The following CDH7 variants were observed in gnomAD, a reference collection of about 807,000 sequenced individuals.
CDH7 encodes the protein cadherin 7, also known as cadherin-7.
A neutral mutation model predicts 71.8 loss-of-function variants in CDH7; 25 were observed. The ratio of observed to expected loss-of-function variants is 0.35; its 90% CI spans 0.25 to 0.49. CDH7 has a LOEUF of 0.49. CDH7 is among the 20% of genes least tolerant of loss of function. CDH7 has a pLI of 0.99. For synonymous variants in CDH7, 381 were observed against 363.8 expected (o/e 1.05, Z -0.54); for missense variants, 862 against 974.6 (o/e 0.88, Z 1.54).
intron 2 of CDH7, among the ~76,000 whole-genome samples, chr18:65,796,189 A>G (rs375427096): frequency 2.6e-5 from 4 of 152,126 alleles, no homozygotes; most frequent in African/African-American, 7.2e-5. Flanking sequence ...AATTATCTTA[A>G]TCAAATTGCA....
At chr18:65,871,637 T>G (rs1315857718) in intron 11 of CDH7, among the ~76,000 whole-genome samples, 1 of 152,122 alleles carries the variant, frequency 6.6e-6, no homozygotes, top group Non-Finnish European at 1.5e-5. Flanking sequence ...ATTTTCCTAC[T>G]TGAGAAAAGA....
chr18:65,770,073 T>C (rs28427501), intron 2 of CDH7, among the ~76,000 whole-genome samples: 11,857 of 152,258 alleles, frequency 0.078, 1,453 homozygotes, highest in African/African-American at 0.26. Context: ...TACAATCTGT[T>C]GTCCATGTTT....
intron 6 of CDH7, among the ~76,000 whole-genome samples, chr18:65,841,193 C>A (rs1912719596): frequency 6.6e-6 from 1 of 152,124 alleles, no homozygotes; most frequent in Admixed American, 6.6e-5. Context: ...GGCAACCAAT[C>A]ATCATGCATA....
chr18:65,762,771 G>C lies in CDH7; in HGVS notation c.-72G>C, dbSNP rs2143787871. ...CCCTGCCGGAGGCAAGAGCTACTAA[G>C]CCAACTGGAACTGTGCCTTTTCTCT... On this transcript the variant is annotated 5_prime_UTR_variant, in exon 2 of 12. Coordinates refer to ENST00000397968, the MANE Select transcript of CDH7 (RefSeq NM_004361.5). The C allele has an allele frequency of 2.3e-6, 3 of 1,331,814 alleles. No individual in the cohort carries two copies. Among genetic ancestry groups the C allele is most frequent in the Non-Finnish European group, 3.1e-6 (3 of 968,224 alleles). 82.5% of individuals were successfully genotyped at this position (1,331,814 alleles called of 1,614,324 possible).
intron 6 of CDH7, among the ~76,000 whole-genome samples, chr18:65,836,499 A>G (rs1261745262): frequency 6.6e-6 from 1 of 152,054 alleles, no homozygotes; most frequent in Non-Finnish European, 1.5e-5. Flanking sequence ...TCATTATTGT[A>G]TTCCTGATCA....
In CDH7 at chr18:65,781,856, TTCTTTCTTTC is replaced by T. The variant is rs1438801010; in HGVS notation, c.210+18808_210+18817del. Among the ~76,000 whole-genome samples the T allele has an allele frequency of 3.3e-3, 258 of 79,106 alleles. 8 individuals are homozygous for T. The Middle Eastern group carries it at 0.035, about 11-fold the overall frequency. The allele number at this position is 79,106 out of a possible 152,430, so 51.9% of individuals were successfully genotyped here. On this transcript the variant is annotated intron_variant, in intron 2 of 11. Transcript: ENST00000397968. The stretch of plus-strand genomic sequence containing the variant: ...TTTCTTTCTTTCTTTCTTTCTTTCT[TTCTTTCTTTC>T]TCTCTCTCTCTCTGTCTCTCTCTCT...
chr18:65,827,046 G>C (rs1912157821), intron 6 of CDH7, among the ~76,000 whole-genome samples: 2 of 151,512 alleles, frequency 1.3e-5, no homozygotes, highest in Admixed American at 1.3e-4. Context: ...TCTGAATGAT[G>C]CTTTGAATCT....
chr18:65,797,809 A>C (rs6566176), intron 2 of CDH7, among the ~76,000 whole-genome samples: 65,463 of 151,994 alleles, frequency 0.43, 17,060 homozygotes, highest in African/African-American at 0.74. Flanking sequence ...TAGTTAATAA[A>C]CCTATTTCTC....
chr18:65,764,430 A>C (rs1327142822), intron 2 of CDH7, among the ~76,000 whole-genome samples: 2 of 151,936 alleles, frequency 1.3e-5, no homozygotes, highest in Non-Finnish European at 2.9e-5. Context: ...GTACTAATAT[A>C]TTTTTATAGC....
At chr18:65,785,237 A>T (rs1910469566) in intron 2 of CDH7, among the ~76,000 whole-genome samples, 1 of 124,770 alleles carries the variant, frequency 8.0e-6, no homozygotes, top group African/African-American at 5.1e-5. Flanking sequence ...AATATATGTC[A>T]TATATATATA....
intron 7 of CDH7, among the ~76,000 whole-genome samples, chr18:65,848,401 A>C (rs1913010783): frequency 6.6e-6 from 1 of 152,196 alleles, no homozygotes; most frequent in Non-Finnish European, 1.5e-5. Context: ...AGAGCTCATA[A>C]AAGTTAAACA....
chr18:65,770,236 A>G (rs1001608264), intron 2 of CDH7, among the ~76,000 whole-genome samples: 7 of 152,190 alleles, frequency 4.6e-5, no homozygotes, highest in African/African-American at 1.4e-4. Context: ...GAACCATGCA[A>G]TAGTATTCTT....
At chr18:65,808,760 TTTA>T (rs1335917809) in intron 2 of CDH7, among the ~76,000 whole-genome samples, 7 of 152,178 alleles carry the variant, frequency 4.6e-5, no homozygotes, top group African/African-American at 1.7e-4. Flanking sequence ...AGTGAAAAGC[TTTA>T]TTATTTGGTA....
chr18:65,806,652 C>T (rs1276272437), intron 2 of CDH7, among the ~76,000 whole-genome samples: 1 of 146,840 alleles, frequency 6.8e-6, no homozygotes, highest in African/African-American at 2.5e-5. Flanking sequence ...TCAAAGGTGT[C>T]CATGCATGTG....
intron 2 of CDH7, among the ~76,000 whole-genome samples, chr18:65,765,631 C>T (rs1048511664): frequency 6.6e-6 from 1 of 151,940 alleles, no homozygotes; most frequent in Non-Finnish European, 1.5e-5. Context: ...TGTATTCAAC[C>T]TAGGCCACTT....
At chr18:65,812,714 C>G (rs1373590698) in intron 3 of CDH7, among the ~76,000 whole-genome samples, 1 of 151,898 alleles carries the variant, frequency 6.6e-6, no homozygotes, top group Non-Finnish European at 1.5e-5. Context: ...GTGTGTGTGT[C>G]TATATGTGTT....
At position 65,762,717 on chromosome 18, in the gene CDH7, G is replaced by T. The variant is rs1820270158; in HGVS notation, c.-126G>T. The T allele has an allele frequency of 1.4e-6, 1 of 707,480 alleles. No individual in the cohort carries two copies. The highest frequency in any genetic ancestry group is 2.7e-5 in the Admixed American group (1 of 36,798). The allele number at this position is 707,480 out of a possible 1,614,324, so 43.8% of individuals were successfully genotyped here. A position where few individuals can be genotyped will look rare whatever the true frequency, so the allele number is the denominator to read the frequency against. On this transcript the variant is annotated 5_prime_UTR_variant, in exon 2 of 12. Coordinates refer to ENST00000397968, the MANE Select transcript of CDH7 (RefSeq NM_004361.5). ...ACCTCTTCCAATCCAACACTCTACAGATTATTATCTCTGGACTCCCAGCTG... is the reference window on the plus strand; with the variant it reads ...ACCTCTTCCAATCCAACACTCTACATATTATTATCTCTGGACTCCCAGCTG...
In CDH7 at chr18:65,762,041, A is replaced by G. The variant is rs144002937; in HGVS notation, c.-196-606A>G. On this transcript the variant is annotated intron_variant, in intron 1 of 11. Coordinates refer to ENST00000397968, the MANE Select transcript of CDH7 (RefSeq NM_004361.5). ...AGCATACATGACAATAAGTTCAAAG[A>G]GTGGAAAATGGAAACTACTGAGCTT... Among the ~76,000 whole-genome samples, 33 of 152,350 alleles carry G rather than the reference A, an allele frequency of 2.2e-4. No homozygotes were observed. The East Asian group carries it at 6.0e-3, about 28-fold the overall frequency.
At chr18:65,827,162 C>G (rs1912161560) in intron 6 of CDH7, among the ~76,000 whole-genome samples, 1 of 151,628 alleles carries the variant, frequency 6.6e-6, no homozygotes, top group East Asian at 1.9e-4. Flanking sequence ...GAGGTCAAAA[C>G]TCCATTATTT....
Sources: gnomAD v4.1 joint callset for allele counts (sites outside exome capture counted in the v4.1 genomes callset) on GRCh38, gnomAD v4.1.1 for gene constraint, MANE v1.5 for transcripts, NCBI Gene and HGNC (gene_info 2026-07-23, HGNC 2026-07-21) for gene names.